PCDH11X: variants seen among roughly 807,000 people sequenced by gnomAD.
PCDH11X encodes protocadherin-11 X-linked.
A neutral mutation model predicts 53.3 loss-of-function variants in PCDH11X; 18 were observed. The observed-to-expected ratio is 0.34, with a 90% CI of 0.23 to 0.50. The LOEUF (loss-of-function observed/expected upper bound fraction) is 0.50, where lower values mean the gene tolerates loss of function less well. PCDH11X is among the 20% of genes least tolerant of loss of function. The probability of loss-of-function intolerance (pLI) is 0.98; values close to 1 mark genes in which losing one functional copy is unlikely to be tolerated. For missense variants in PCDH11X, 570 were observed against 1,032.4 expected (o/e 0.55, Z 6.14); for synonymous variants, 279 against 393.3 (o/e 0.71, Z 3.44).
At chrX:91,786,791 G>T (rs1373241947) in intron 1 of PCDH11X, among the ~76,000 whole-genome samples, 5 of 106,442 alleles carry the variant, frequency 4.7e-5, no homozygotes, top group Non-Finnish European at 9.7e-5. Context: ...AGGATTGATG[G>T]TCTTTAGTCT....
chrX:91,793,553 A>C (rs1302946978), intron 1 of PCDH11X, among the ~76,000 whole-genome samples: 1 of 110,980 alleles, frequency 9.0e-6, no homozygotes, highest in African/African-American at 3.3e-5. Context: ...ATCAGATTGA[A>C]CAAGAAAGGA....
chrX:91,779,996 A>G (rs1318942202), intron 1 of PCDH11X, among the ~76,000 whole-genome samples: 1 of 111,911 alleles, frequency 8.9e-6, no homozygotes, highest in Admixed American at 9.4e-5. Context: ...TGGCTGTGCA[A>G]AAAGGTCTCT....
intron 6 of PCDH11X, among the ~76,000 whole-genome samples, chrX:92,103,392 G>A (rs929792587): frequency 9.0e-6 from 1 of 110,862 alleles, no homozygotes; most frequent in African/African-American, 3.3e-5. Context: ...ATGTGGAGTG[G>A]GTAGCCTCCG....
At chrX:92,548,248 C>T (rs1355305178) in intron 10 of PCDH11X, among the ~76,000 whole-genome samples, 1 of 110,455 alleles carries the variant, frequency 9.1e-6, no homozygotes, top group African/African-American at 3.3e-5. Context: ...TGGCTCACTG[C>T]TCGCTTGACC....
intron 7 of PCDH11X, among the ~76,000 whole-genome samples, chrX:92,213,002 T>C (rs2148338944): frequency 8.9e-6 from 1 of 112,223 alleles, no homozygotes; most frequent in Non-Finnish European, 1.9e-5. Context: ...GTAAGAATTA[T>C]TTCAAAGCTT....
At chrX:91,834,151 AT>A (rs1236393174) in intron 4 of PCDH11X, among the ~76,000 whole-genome samples, 1 of 111,365 alleles carries the variant, frequency 9.0e-6, no homozygotes, top group Non-Finnish European at 1.9e-5. Context: ...TCATCTACAA[AT>A]ACTATCCAGA....
chrX:91,862,558 GTTTC>G (rs1214061692), intron 5 of PCDH11X, among the ~76,000 whole-genome samples: 1 of 104,859 alleles, frequency 9.5e-6, no homozygotes, highest in Non-Finnish European at 2.0e-5. Context: ...GCCGCTTTTT[GTTTC>G]TTCAACAATC....
chrX:92,262,081 A>G (rs1028299891), intron 7 of PCDH11X, among the ~76,000 whole-genome samples: 52 of 111,235 alleles, frequency 4.7e-4, no homozygotes, highest in Admixed American at 2.9e-4. Flanking sequence ...AACTCAAGTT[A>G]TGTTAAAATG....
chrX:92,414,728 A>T (rs2071770124), intron 9 of PCDH11X, among the ~76,000 whole-genome samples: 2 of 66,705 alleles, frequency 3.0e-5, no homozygotes, highest in South Asian at 1.3e-3. Context: ...ATCACTATTT[A>T]AAAAAAAAAA....
intron 5 of PCDH11X, among the ~76,000 whole-genome samples, chrX:91,849,606 A>G (rs1937892817): frequency 9.1e-6 from 1 of 109,719 alleles, no homozygotes; most frequent in South Asian, 3.9e-4. Context: ...ATCCGTATTT[A>G]CCAAATGTTT....
intron 6 of PCDH11X, among the ~76,000 whole-genome samples, chrX:92,030,471 C>T (rs2063033082): frequency 9.2e-6 from 1 of 108,266 alleles, no homozygotes; most frequent in African/African-American, 3.4e-5. Flanking sequence ...CCCTCAAGCA[C>T]TTATGCTTTG....
intron 6 of PCDH11X, among the ~76,000 whole-genome samples, chrX:92,030,297 A>G (rs2063030496): frequency 9.0e-6 from 1 of 110,721 alleles, no homozygotes; most frequent in Admixed American, 9.7e-5. Context: ...GTGGTTTTAC[A>G]ATATTATAAT....
At chrX:91,905,051 A>T (rs1941099651) in intron 6 of PCDH11X, among the ~76,000 whole-genome samples, 1 of 105,827 alleles carries the variant, frequency 9.4e-6, no homozygotes, top group Admixed American at 1.0e-4. Flanking sequence ...TCCAAGAAAA[A>T]CTTCTGGTAG....
intron 8 of PCDH11X, among the ~76,000 whole-genome samples, chrX:92,314,752 C>T (rs1007962736): frequency 3.6e-5 from 4 of 110,165 alleles, no homozygotes; most frequent in Admixed American, 9.8e-5. Flanking sequence ...AAACATTGAG[C>T]GGCACAGGGC....
intron 6 of PCDH11X, among the ~76,000 whole-genome samples, chrX:92,049,397 G>A (rs5984856): frequency 0.3 from 32,798 of 109,593 alleles, 5,605 homozygotes; most frequent in African/African-American, 0.64. Flanking sequence ...ATAAGAATTT[G>A]TGGTTTGTAG....
intron 5 of PCDH11X, among the ~76,000 whole-genome samples, chrX:91,850,768 C>A (rs1937962354): frequency 9.1e-6 from 1 of 110,152 alleles, no homozygotes; most frequent in Non-Finnish European, 1.9e-5. Flanking sequence ...GGATTGAAAA[C>A]AGGTTTACCT....
At chrX:92,251,455 T>C (rs1452023995) in intron 7 of PCDH11X, among the ~76,000 whole-genome samples, 1 of 111,250 alleles carries the variant, frequency 9.0e-6, no homozygotes, top group Non-Finnish European at 1.9e-5. Flanking sequence ...TTCCTCCTGC[T>C]ATGGAGCTTA....
At chrX:92,301,162 C>T (rs1462959130) in intron 8 of PCDH11X, among the ~76,000 whole-genome samples, 1 of 111,226 alleles carries the variant, frequency 9.0e-6, no homozygotes. Flanking sequence ...TGGAGCTCTC[C>T]GACAGTCAGG....
intron 10 of PCDH11X, among the ~76,000 whole-genome samples, chrX:92,560,232 G>A (rs938096611): frequency 9.1e-6 from 1 of 110,145 alleles, no homozygotes; most frequent in Non-Finnish European, 1.9e-5. Flanking sequence ...GGCCTTGAAG[G>A]GAAGGAACCA....
Sources: gnomAD v4.1 joint callset for allele counts (sites outside exome capture counted in the v4.1 genomes callset) on GRCh38, gnomAD v4.1.1 for gene constraint, MANE v1.5 for transcripts, NCBI Gene and HGNC (gene_info 2026-07-23, HGNC 2026-07-21) for gene names.